Variants in AK8 observed in about 807,000 individuals in gnomAD.
AK8 encodes adenylate kinase 8.
Under a neutral mutation model 54.6 loss-of-function variants are expected in AK8, and 44 were observed. The observed-to-expected ratio is 0.81, with a 90% CI of 0.63 to 1.04. The LOEUF (loss-of-function observed/expected upper bound fraction) is 1.04, where lower values mean the gene tolerates loss of function less well. Among genes scored for constraint, AK8 ranks in the 50% least tolerant of loss-of-function variants. The pLI, the probability that AK8 is intolerant of heterozygous loss-of-function variation, is 0.00. For missense variants in AK8, 555 were observed against 613.6 expected (o/e 0.90, Z 1.01); for synonymous variants, 239 against 245.6 (o/e 0.97, Z 0.25).
chr9:132,869,682 T>C (rs538200639), intron 2 of AK8, among the ~76,000 whole-genome samples: 1 of 152,268 alleles, frequency 6.6e-6, no homozygotes, highest in East Asian at 1.9e-4. Flanking sequence ...GAAGCCACCA[T>C]AGGATATAGT....
intron 11 of AK8, among the ~76,000 whole-genome samples, chr9:132,766,528 T>C (rs1417244180): frequency 7.2e-5 from 11 of 152,190 alleles, no homozygotes. Context: ...ACATTCCATG[T>C]TCATGGATTG....
chr9:132,834,534 C>G (rs1479259750), intron 5 of AK8, among the ~76,000 whole-genome samples: 1 of 152,158 alleles, frequency 6.6e-6, no homozygotes, highest in Non-Finnish European at 1.5e-5. Context: ...GTTAGTATTC[C>G]ACATTCCACA....
In AK8 at chr9:132,743,268, C is replaced by G. The variant is rs953634112; in HGVS notation, c.1122-15734G>C. Among the ~76,000 whole-genome samples, 5 of 152,384 alleles carry G rather than the reference C, an allele frequency of 3.3e-5. No homozygotes were observed. In the East Asian group the frequency reaches 9.6e-4, roughly 29 times the overall value. On this transcript the variant is annotated intron_variant, in intron 11 of 12. Transcript: ENST00000298545. ...ACCTGCCGTCGGGCGGCCCCACAGG[C>G]ACGGGTCTGAGAGCAGGGTGTGCAG...
chr9:132,823,299 G>T lies in AK8; in HGVS notation c.795C>A (p.Ala265=), dbSNP rs762476083. 1.4e-5 allele frequency: 23 copies of T among 1,613,764 alleles called. No homozygotes were observed. The highest frequency in any genetic ancestry group is 5.9e-6 in the Non-Finnish European group (7 of 1,179,870). The change falls in exon 9 of 13, where the codon GCC becomes GCA. Residue 265 remains alanine, a synonymous_variant. Coordinates refer to ENST00000298545, the MANE Select transcript of AK8 (RefSeq NM_152572.3). ...GCAGCAGCACCCTCGGGGTGAACGGGGCATTAGTACGATGGTTGCTTTGGA... is the reference window on the plus strand; with the variant it reads ...GCAGCAGCACCCTCGGGGTGAACGGTGCATTAGTACGATGGTTGCTTTGGA... ...TYVQSNHRTN[A]PFTPRVLLLG...
chr9:132,737,965 T>C (rs909466771), intron 11 of AK8, among the ~76,000 whole-genome samples: 1 of 152,208 alleles, frequency 6.6e-6, no homozygotes, highest in African/African-American at 2.4e-5. Context: ...GCACAGGTGC[T>C]GGGACAGCCT....
chr9:132,818,251 T>C (rs1334552947), intron 9 of AK8, among the ~76,000 whole-genome samples: 2 of 152,218 alleles, frequency 1.3e-5, no homozygotes, highest in Non-Finnish European at 2.9e-5. Flanking sequence ...TGATACCAGA[T>C]GGAAACCTGG....
chr9:132,736,247 C>T (rs934458665), intron 11 of AK8, among the ~76,000 whole-genome samples: 8 of 144,018 alleles, frequency 5.6e-5, no homozygotes, highest in Admixed American at 2.9e-4. Context: ...AGTGGAATGG[C>T]GCAATCTTGG....
At chr9:132,843,253 C>T (rs1484030931) in intron 5 of AK8, among the ~76,000 whole-genome samples, 1 of 152,068 alleles carries the variant, frequency 6.6e-6, no homozygotes, top group African/African-American at 2.4e-5. Flanking sequence ...AGTGAGTTTT[C>T]AAGAGATCTG....
chr9:132,787,976 TA>T (rs1252599439), intron 11 of AK8, among the ~76,000 whole-genome samples: 2 of 151,628 alleles, frequency 1.3e-5, no homozygotes, highest in African/African-American at 4.8e-5. Context: ...GATGATCAAC[TA>T]TGCAGTAAGC....
At chr9:132,740,500 G>A (rs1256264759) in intron 11 of AK8, among the ~76,000 whole-genome samples, 2 of 152,194 alleles carry the variant, frequency 1.3e-5, no homozygotes, top group Non-Finnish European at 2.9e-5. Context: ...GTGGTGGGCT[G>A]AGTTACTTGC....
chr9:132,838,642 C>T (rs1311279874), intron 5 of AK8, among the ~76,000 whole-genome samples: 1 of 152,210 alleles, frequency 6.6e-6, no homozygotes, highest in Non-Finnish European at 1.5e-5. Context: ...TCTAGAAGGT[C>T]AGTTTTTCTT....
intron 10 of AK8, among the ~76,000 whole-genome samples, chr9:132,800,919 C>CTTTTT (rs34462868): frequency 8.1e-6 from 1 of 123,812 alleles, no homozygotes. Flanking sequence ...TCAGTTTGTC[C>CTTTTT]TTTTTTTTTT....
Position 132,799,000 on chromosome 9 carries a change from G to A in AK8, c.980-6225C>T, listed in dbSNP as rs1840315961. ...ACAGGAGTCCCGACACCCATGAGAT[G>A]CAACTGGGCAGCACTGACTCCTCCC... is the stretch of plus-strand genomic sequence containing the variant. On this transcript the variant is annotated intron_variant, in intron 10 of 12. Transcript: ENST00000298545. 3.3e-5 allele frequency among the ~76,000 whole-genome samples: 5 copies of A among 152,294 alleles called. No homozygotes were observed. The South Asian group carries it at 1.0e-3, about 32-fold the overall frequency.
intron 10 of AK8, among the ~76,000 whole-genome samples, chr9:132,796,892 T>C (rs896137930): frequency 6.7e-6 from 1 of 148,808 alleles, no homozygotes; most frequent in Non-Finnish European, 1.5e-5. Flanking sequence ...GAGCCCAGGG[T>C]GGTGGAGGTG....
chr9:132,733,930 G>C (rs1836981524), intron 11 of AK8, among the ~76,000 whole-genome samples: 1 of 152,138 alleles, frequency 6.6e-6, no homozygotes, highest in Admixed American at 6.5e-5. Context: ...GATGCTTCCG[G>C]AAGGGAGGTG....
intron 4 of AK8, chr9:132,861,572 G>T (rs1254671249): frequency 6.6e-6 from 1 of 152,218 alleles, no homozygotes; most frequent in East Asian, 1.9e-4. Context: ...CAGTTAGGAA[G>T]TATTTCAGAA....
chr9:132,725,811 G>A lies in AK8; in HGVS notation c.1317C>T (p.Asn439=). ...CATACAACTGCTCCAAGTCAGCTGA[G>A]TTCCTGTAGAACAGGTCCATTTTCA... ...VKLKMDLFYR[N]SADLEQLYGS... The change falls in exon 13 of 13, where the codon AAC becomes AAT. Residue 439 remains asparagine, a synonymous_variant. Transcript: ENST00000298545. 1.2e-6 allele frequency: 2 copies of A among 1,607,122 alleles called. No homozygotes were observed. The highest frequency in any genetic ancestry group is 1.7e-6 in the Non-Finnish European group (2 of 1,177,074).
At chr9:132,762,691 G>C (rs900721399) in intron 11 of AK8, among the ~76,000 whole-genome samples, 7 of 152,030 alleles carry the variant, frequency 4.6e-5, no homozygotes, top group African/African-American at 1.7e-4. Flanking sequence ...ATCACCTGAG[G>C]TCAGGAGTTC....
intron 10 of AK8, among the ~76,000 whole-genome samples, chr9:132,807,247 C>G (rs1035518834): frequency 1.8e-4 from 28 of 152,240 alleles, no homozygotes; most frequent in Non-Finnish European, 3.5e-4. Context: ...ACTGGGCCGA[C>G]GAGCCAGTTG....
Sources: gnomAD v4.1 joint callset for allele counts (sites outside exome capture counted in the v4.1 genomes callset) on GRCh38, gnomAD v4.1.1 for gene constraint, MANE v1.5 for transcripts, NCBI Gene and HGNC (gene_info 2026-07-23, HGNC 2026-07-21) for gene names.